Variants in GPR155 observed in about 807,000 individuals in gnomAD.
The protein encoded by GPR155 is G protein-coupled receptor 155, also known as lysosomal cholesterol signaling protein.
GPR155 carries 65 observed loss-of-function variants against 93.1 expected under a neutral mutation model. The observed-to-expected ratio is 0.70, with a 90% CI of 0.57 to 0.86. The LOEUF (loss-of-function observed/expected upper bound fraction) is 0.86, where lower values mean the gene tolerates loss of function less well. Among genes scored for constraint, GPR155 ranks in the 40% least tolerant of loss-of-function variants. The pLI, the probability that GPR155 is intolerant of heterozygous loss-of-function variation, is 0.00. For missense variants in GPR155, 838 were observed against 1,034.8 expected, an observed-to-expected ratio of 0.81 and a Z score of 2.61; for synonymous variants, 319 against 360.1, an observed-to-expected ratio of 0.89 and a Z score of 1.29.
chr2:174,440,319 C>T (rs540662402), intron 14 of GPR155, among the ~76,000 whole-genome samples: 2 of 152,258 alleles, frequency 1.3e-5, no homozygotes, highest in East Asian at 3.9e-4. Flanking sequence ...TGATCCATTT[C>T]AGGTTCTACT....
At position 174,473,085 on chromosome 2, in the gene GPR155, C is replaced by T. The variant is rs1688042836; in HGVS notation, c.740G>A (p.Gly247Glu). Reference protein sequence around the residue: ...VPVYVENFLDGLGNSFSGSAL... With the variant: ...VPVYVENFLDELGNSFSGSAL... ...TGATCCAGAAAAAGAATTTCCAAGTCCATCAAGAAAATTTTCGACATATAC... is the reference window on the plus strand; with the variant it reads ...TGATCCAGAAAAAGAATTTCCAAGTTCATCAAGAAAATTTTCGACATATAC... Residue 247 changes from glycine to glutamate, a missense_variant, in exon 3 of 16, where the codon GGA (glycine) becomes GAA (glutamate). This residue lies in a region of GPR155 where 663 missense variants were observed against 790.1 expected (regional missense o/e 0.84). Transcript: ENST00000392552. The T allele has an allele frequency of 1.2e-6, 2 of 1,600,938 alleles. No homozygotes were observed.
chr2:174,446,771 T>C, intron 11 of GPR155, 24 bp from the exon 12 acceptor site: 1 of 1,608,424 alleles, frequency 6.2e-7, no homozygotes, highest in Non-Finnish European at 8.5e-7. Context: ...AGCACAACAA[T>C]TTGTAATCAG....
chr2:174,434,759 C>T lies in GPR155; in HGVS notation c.*1357G>A, dbSNP rs959938598. 4 of 151,460 alleles carry T rather than the reference C, an allele frequency of 2.6e-5. No individual in the cohort carries two copies. Among genetic ancestry groups the T allele is most frequent in the Non-Finnish European group, 4.4e-5 (3 of 68,000 alleles). The allele number at this position is 151,460 out of a possible 1,614,324, so 9.4% of individuals were successfully genotyped here. A position where few individuals can be genotyped will look rare whatever the true frequency, so the allele number is the denominator to read the frequency against. ...TAGCTGGGACTACAGGCATGCACTACCACACCTGGGTATTCTTTTTTCTTT... is the reference window on the plus strand; with the variant it reads ...TAGCTGGGACTACAGGCATGCACTATCACACCTGGGTATTCTTTTTTCTTT... On this transcript the variant is annotated 3_prime_UTR_variant, in exon 16 of 16. Transcript: ENST00000392552.
At chr2:174,465,345 T>C (rs1047408968) in intron 7 of GPR155, among the ~76,000 whole-genome samples, 1 of 152,220 alleles carries the variant, frequency 6.6e-6, no homozygotes, top group Non-Finnish European at 1.5e-5. Flanking sequence ...TGTAACCTAG[T>C]TTTACAAATG....
intron 10 of GPR155, among the ~76,000 whole-genome samples, chr2:174,457,836 G>A (rs1274154219): frequency 1.3e-5 from 2 of 151,710 alleles, no homozygotes; most frequent in South Asian, 2.1e-4. Flanking sequence ...CTGCAGCTTC[G>A]ACCTCCTGGG....
intron 5 of GPR155, among the ~76,000 whole-genome samples, chr2:174,467,403 C>A (rs934757493): frequency 1.3e-5 from 2 of 152,076 alleles, no homozygotes; most frequent in African/African-American, 4.8e-5. Context: ...ACTGCTTGAA[C>A]CCAGGAGGGA....
rs1686734353 is a variant in GPR155 at position 174,434,981 on chromosome 2, A to T, written c.*1135T>A. 6.6e-6 allele frequency: 1 copy of T among 152,078 alleles called. No individual in the cohort carries two copies. The highest frequency in any genetic ancestry group is 1.5e-5 in the Non-Finnish European group (1 of 68,020). 9.4% of individuals were successfully genotyped at this position (152,078 alleles called of 1,614,324 possible). ...TCAAGGAAATGGAAAAAAGAAAAAG[A>T]ACCTCTTATTAGAATCATTAAAATT... is the stretch of plus-strand genomic sequence containing the variant. On this transcript the variant is annotated 3_prime_UTR_variant, in exon 16 of 16. Transcript: ENST00000392552.
intron 2 of GPR155, among the ~76,000 whole-genome samples, chr2:174,478,550 G>A (rs1369006926): frequency 6.6e-6 from 1 of 152,132 alleles, no homozygotes; most frequent in Non-Finnish European, 1.5e-5. Context: ...GCACTATTCT[G>A]TTACTGGAGT....
Position 174,481,587 on chromosome 2 carries a change from C to T in GPR155, c.370G>A (p.Val124Ile). 2 of 1,613,650 alleles carry T rather than the reference C, an allele frequency of 1.2e-6. No individual in the cohort carries two copies. Among genetic ancestry groups the T allele is most frequent in the Non-Finnish European group, 8.5e-7 (1 of 1,179,824 alleles). The change falls in exon 2 of 16, where the codon GTT (valine) becomes ATT (isoleucine). Residue 124 changes from valine (V) to isoleucine (I), a missense_variant. Coordinates refer to ENST00000392552, the MANE Select transcript of GPR155 (RefSeq NM_152529.7). ...CTAAATCGACTATCAGGACTGGCAACCAATAAGGTTAATACACATACAATG... is the reference window on the plus strand; with the variant it reads ...CTAAATCGACTATCAGGACTGGCAATCAATAAGGTTAATACACATACAATG... ...FFIVCVLTLL[V>I]ASPDSRFSKA...
intron 9 of GPR155, among the ~76,000 whole-genome samples, chr2:174,461,141 C>T (rs1273321121): frequency 2.6e-5 from 4 of 152,060 alleles, no homozygotes; most frequent in African/African-American, 4.8e-5. Context: ...CTCTTTTCTC[C>T]AGCACAGGAA....
intron 5 of GPR155, 123 bp from the exon 6 acceptor site, chr2:174,466,750 T>G: frequency 1.7e-6 from 1 of 584,944 alleles, no homozygotes; most frequent in South Asian, 2.1e-5. Context: ...GAATTTCCAA[T>G]ATTTTATTTA....
At position 174,451,776 on chromosome 2, in the gene GPR155, G is replaced by T. The variant is rs531181611; in HGVS notation, c.1876+1961C>A. On this transcript the variant is annotated intron_variant, in intron 11 of 15. Transcript: ENST00000392552. ...TCCTCCCACCCCAGCCTCCTGGGTA[G>T]CTGGGATTACAGGCATGAGCCACTG... Among the ~76,000 whole-genome samples the T allele has an allele frequency of 1.3e-4, 20 of 152,254 alleles. No individual in the cohort carries two copies. In the South Asian group the frequency reaches 3.9e-3, roughly 30 times the overall value.
At chr2:174,451,649 A>C (rs1471291723) in intron 11 of GPR155, among the ~76,000 whole-genome samples, 1 of 152,174 alleles carries the variant, frequency 6.6e-6, no homozygotes, top group East Asian at 1.9e-4. Flanking sequence ...GAGAATTTTC[A>C]ATGATCAACT....
chr2:174,458,901 A>T (rs1687599411), intron 10 of GPR155, among the ~76,000 whole-genome samples: 1 of 152,074 alleles, frequency 6.6e-6, no homozygotes, highest in African/African-American at 2.4e-5. Context: ...CAGCCTGACC[A>T]ATATGGTGAA....
intron 1 of GPR155, among the ~76,000 whole-genome samples, chr2:174,485,787 AGGAACCACAGCAAG>A (rs1216051921): frequency 1.3e-5 from 2 of 151,514 alleles, no homozygotes; most frequent in Non-Finnish European, 2.9e-5. Context: ...TAAAATGAAC[AGGAACCACAGCAAG>A]GGAAGTTTTA....
intron 10 of GPR155, among the ~76,000 whole-genome samples, chr2:174,454,664 A>AGGAGGGAAGGAGGGAG (rs1687438113): frequency 7.9e-6 from 1 of 126,008 alleles, no homozygotes; most frequent in South Asian, 2.8e-4. Context: ...GAAGAAGGGA[A>AGGAGGGAAGGAGGGAG]GGAGGGAAGG....
At chr2:174,467,541 C>T (rs1460214437) in intron 5 of GPR155, among the ~76,000 whole-genome samples, 1 of 152,158 alleles carries the variant, frequency 6.6e-6, no homozygotes, top group South Asian at 2.1e-4. Context: ...GCCTACCTTC[C>T]GTGTCTGGGG....
chr2:174,469,300 G>A (rs564836915), intron 4 of GPR155, among the ~76,000 whole-genome samples: 2 of 151,992 alleles, frequency 1.3e-5, no homozygotes, highest in East Asian at 1.9e-4. Context: ...TTATATTTAC[G>A]CATAATAAAT....
intron 14 of GPR155, among the ~76,000 whole-genome samples, chr2:174,441,606 C>T (rs932005388): frequency 1.3e-5 from 2 of 151,994 alleles, no homozygotes; most frequent in African/African-American, 4.8e-5. Flanking sequence ...CGACAGGCCC[C>T]GGTGTGTGAT....
Sources: gnomAD v4.1 joint callset for allele counts (sites outside exome capture counted in the v4.1 genomes callset) on GRCh38, gnomAD v4.1.1 for gene constraint, gnomAD v4.1.1 regional missense constraint, MANE v1.5 for transcripts, NCBI Gene and HGNC (gene_info 2026-07-23, HGNC 2026-07-21) for gene names.